Variants in SLCO3A1 observed in about 807,000 individuals in gnomAD.
SLCO3A1 encodes solute carrier organic anion transporter family member 3A1.
In SLCO3A1, 27 loss-of-function variants were observed where a neutral mutation model predicts 63.1. That is an observed-to-expected ratio of 0.43 (90% CI 0.32 to 0.59). The LOEUF (loss-of-function observed/expected upper bound fraction) is 0.59. SLCO3A1 is among the 20% of genes least tolerant of loss of function. The probability of loss-of-function intolerance (pLI) is 0.09; values close to 1 mark genes in which losing one functional copy is unlikely to be tolerated. For synonymous variants in SLCO3A1, 473 were observed against 409.9 expected (o/e 1.15, Z -1.86); for missense variants, 773 against 945.8 (o/e 0.82, Z 2.40).
intron 2 of SLCO3A1, among the ~76,000 whole-genome samples, chr15:91,998,834 G>A (rs1413117478): frequency 6.6e-6 from 1 of 152,192 alleles, no homozygotes; most frequent in African/African-American, 2.4e-5. Flanking sequence ...AAAGACACAT[G>A]TACGTGTATA....
chr15:92,147,196 C>T, intron 8 of SLCO3A1, 37 bp downstream of exon 8: 2 of 1,582,210 alleles, frequency 1.3e-6, no homozygotes, highest in Non-Finnish European at 8.6e-7. Flanking sequence ...TCCTCCTTTC[C>T]ACCTGGTGTT....
chr15:91,996,767 G>A (rs1404157393), intron 2 of SLCO3A1, among the ~76,000 whole-genome samples: 3 of 152,122 alleles, frequency 2.0e-5, no homozygotes, highest in African/African-American at 7.2e-5. Context: ...AATGAATGGT[G>A]CTTAAACTGT....
chr15:92,016,258 A>ATAGATAGATAGATAGAT (rs2046433294), intron 2 of SLCO3A1, among the ~76,000 whole-genome samples: 2 of 126,174 alleles, frequency 1.6e-5, no homozygotes, highest in African/African-American at 6.6e-5. Context: ...GATAGATTAG[A>ATAGATAGATAGATAGAT]TAGATAGATA....
At chr15:92,015,347 T>C (rs1006697109) in intron 2 of SLCO3A1, among the ~76,000 whole-genome samples, 3 of 152,044 alleles carry the variant, frequency 2.0e-5, no homozygotes, top group African/African-American at 4.8e-5. Context: ...TTCAGGAAAC[T>C]TACAATCATG....
At position 91,885,727 on chromosome 15, in the gene SLCO3A1, A is replaced by G. The variant is rs1005114836; in HGVS notation, c.181-30266A>G. Among the ~76,000 whole-genome samples the G allele has an allele frequency of 3.3e-5, 5 of 152,198 alleles. No homozygotes were observed. Among genetic ancestry groups the G allele is most frequent in the Non-Finnish European group, 5.9e-5 (4 of 68,038 alleles). On this transcript the variant is annotated intron_variant, in intron 1 of 9. Transcript: ENST00000318445. This position sits in a 1 kb window ranked among gnomAD's most constrained non-coding sequence, Gnocchi z 4.7. ...GCAGACACATACATGCGGTCTGACAATTCAGATCCCTTCGCCTTCCCCTCC... is the reference window on the plus strand; with the variant it reads ...GCAGACACATACATGCGGTCTGACAGTTCAGATCCCTTCGCCTTCCCCTCC...
At chr15:91,937,764 A>G (rs575525069) in intron 2 of SLCO3A1, among the ~76,000 whole-genome samples, 103 of 152,178 alleles carry the variant, frequency 6.8e-4, no homozygotes, top group Non-Finnish European at 1.2e-3. Flanking sequence ...ATCTGTGGAA[A>G]GGGAAGAAGG....
intron 9 of SLCO3A1, among the ~76,000 whole-genome samples, chr15:92,158,322 TCC>T (rs2048396777): frequency 6.6e-6 from 1 of 152,104 alleles, no homozygotes; most frequent in Admixed American, 6.5e-5. Context: ...TCCCTGGAAA[TCC>T]CCAATAAGAG....
rs762383474 is a variant in SLCO3A1 at position 92,104,506 on chromosome 15, C to T, written c.973C>T (p.Pro325Ser). 1.2e-6 allele frequency: 2 copies of T among 1,613,938 alleles called. No homozygotes were observed. The highest frequency in any genetic ancestry group is 2.2e-5 in the South Asian group (2 of 91,070). The change falls in exon 4 of 10, where the codon CCA (proline) becomes TCA (serine). Residue 325 changes from proline (P) to serine (S), a missense_variant. Pro to Ser is a moderately conservative substitution (Grantham distance 74). Coordinates refer to ENST00000318445, the MANE Select transcript of SLCO3A1 (RefSeq NM_013272.4). ...SNGVLRHPLE[P>S]DSSASCFQQL... ...CGGGGTCCTGAGGCACCCCCTGGAG[C>T]CAGACAGCAGTGCCTCCTGTTTCCA...
chr15:92,152,329 A>G (rs1236689199), intron 9 of SLCO3A1, among the ~76,000 whole-genome samples: 2 of 152,198 alleles, frequency 1.3e-5, no homozygotes, highest in African/African-American at 2.4e-5. Context: ...AAAACTTTCT[A>G]TCAATCTGTG....
At position 92,156,852 on chromosome 15, in the gene SLCO3A1, A is replaced by G. The variant is rs976379320; in HGVS notation, c.1753+5838A>G. The stretch of plus-strand genomic sequence containing the variant: ...TTTTCAGCTTCCATTTTGTCCCGTA[A>G]AGGAATTTGAACTTATTTTTCTTAC... On this transcript the variant is annotated intron_variant, in intron 9 of 9. Coordinates refer to ENST00000318445, the MANE Select transcript of SLCO3A1 (RefSeq NM_013272.4). 2.4e-4 allele frequency among the ~76,000 whole-genome samples: 36 copies of G among 152,296 alleles called. 1 individual carries two copies. The highest frequency in any genetic ancestry group is 2.2e-3 in the Admixed American group (33 of 15,292).
intron 2 of SLCO3A1, among the ~76,000 whole-genome samples, chr15:91,973,060 A>G (rs1182968090): frequency 1.3e-5 from 2 of 152,236 alleles, no homozygotes; most frequent in African/African-American, 4.8e-5. Flanking sequence ...GGTTGCAGTG[A>G]GCCGAGATCA....
intron 2 of SLCO3A1, among the ~76,000 whole-genome samples, chr15:91,971,441 T>C (rs1597172765): frequency 6.9e-6 from 1 of 145,002 alleles, no homozygotes. Context: ...TCAGCTCTCA[T>C]GCTGTAAACA....
chr15:91,993,855 T>C (rs1201949894), intron 2 of SLCO3A1, among the ~76,000 whole-genome samples: 2 of 152,242 alleles, frequency 1.3e-5, no homozygotes, highest in East Asian at 1.9e-4. Flanking sequence ...GGAGGGAAGC[T>C]GGTCACCATG....
chr15:91,979,076 A>G (rs1568210), intron 2 of SLCO3A1, among the ~76,000 whole-genome samples: 62,187 of 152,118 alleles, frequency 0.41, 12,916 homozygotes, highest in African/African-American at 0.46. Context: ...AGATACAGGT[A>G]CCTCATTTGC....
chr15:91,870,069 G>A (rs1307399165), intron 1 of SLCO3A1, among the ~76,000 whole-genome samples: 1 of 152,148 alleles, frequency 6.6e-6, no homozygotes, highest in Non-Finnish European at 1.5e-5. Flanking sequence ...CTTTGGGGAG[G>A]ATTGAGTGGG....
chr15:91,901,614 C>CGGATGTA (rs1431857008), intron 1 of SLCO3A1, among the ~76,000 whole-genome samples: 5 of 152,084 alleles, frequency 3.3e-5, no homozygotes, highest in African/African-American at 9.7e-5. Flanking sequence ...AAAGCTTTGC[C>CGGATGTA]GGATGTAGAA....
At chr15:91,913,906 G>A (rs371297599) in intron 1 of SLCO3A1, among the ~76,000 whole-genome samples, 43 of 151,952 alleles carry the variant, frequency 2.8e-4, no homozygotes, top group Non-Finnish European at 4.6e-4. Flanking sequence ...GTGTGTTGAC[G>A]TGGCCTTTTC....
chr15:92,159,567 GT>G (rs11455940), intron 9 of SLCO3A1, among the ~76,000 whole-genome samples: 1,750 of 137,830 alleles, frequency 0.013, 43 homozygotes, highest in African/African-American at 0.044. Context: ...ACTTTGGTAG[GT>G]TTTTTTTTTT....
intron 2 of SLCO3A1, among the ~76,000 whole-genome samples, chr15:92,075,745 C>A (rs2047268696): frequency 6.6e-6 from 1 of 152,240 alleles, no homozygotes; most frequent in African/African-American, 2.4e-5. Context: ...GACCCTTTGG[C>A]ACACTGGCCA....
Sources: gnomAD v4.1 joint callset for allele counts (sites outside exome capture counted in the v4.1 genomes callset) on GRCh38, gnomAD v4.1.1 for gene constraint, Gnocchi (gnomAD v3.1) non-coding constraint, MANE v1.5 for transcripts, NCBI Gene and HGNC (gene_info 2026-07-23, HGNC 2026-07-21) for gene names.